The following SYNE1 variants were observed in gnomAD, a reference collection of about 807,000 sequenced individuals.
The protein encoded by SYNE1 is spectrin repeat containing nuclear envelope protein 1, also known as nesprin-1.
In SYNE1, 616 loss-of-function variants were observed where a neutral mutation model predicts 1,111.0. That is an observed-to-expected ratio of 0.55 (90% CI 0.52 to 0.59). The LOEUF is 0.59. Among genes scored for constraint, SYNE1 ranks in the 20% least tolerant of loss-of-function variants. The pLI is 0.00. For synonymous variants in SYNE1, 3,855 were observed against 3,825.8 expected (o/e 1.01, Z -0.28); for missense variants, 10,006 against 10,417.0 (o/e 0.96, Z 1.72).
In SYNE1 at chr6:152,236,388, T is replaced by C. The variant is rs188907375; in HGVS notation, c.20200-85A>G. 197 of 961,116 alleles carry C rather than the reference T, an allele frequency of 2.0e-4. No homozygotes were observed. The African/African-American group carries it at 2.9e-3, about 14-fold the overall frequency. The allele number at this position is 961,116 out of a possible 1,614,324, so 59.5% of individuals were successfully genotyped here. A position where few individuals can be genotyped will look rare whatever the true frequency, so the allele number is the denominator to read the frequency against. ...TATAATTTCTCTGGTACCTACAATG[T>C]TCCCATTACCTGTTATTCAAACTTA... On this transcript the variant is annotated intron_variant, in intron 109 of 145. Coordinates refer to ENST00000367255, the MANE Select transcript of SYNE1 (RefSeq NM_182961.4).
At chr6:152,255,540 T>A (rs2090603168) in intron 103 of SYNE1, 51 bp downstream of exon 103, 2 of 1,596,924 alleles carry the variant, frequency 1.3e-6, no homozygotes, top group Non-Finnish European at 1.7e-6. Flanking sequence ...CATCAAAATG[T>A]CAAGTGCTTT....
Position 152,140,600 on chromosome 6 carries a change from C to T in SYNE1, c.25247-439G>A, listed in dbSNP as rs118058024. ...GTAATCCCAGCTACTCGAGGGGAGG[C>T]GGGAGGATTACTTGAGCCCAGGAGT... On this transcript the variant is annotated intron_variant, in intron 139 of 145. Coordinates refer to ENST00000367255, the MANE Select transcript of SYNE1 (RefSeq NM_182961.4). Among the ~76,000 whole-genome samples the T allele has an allele frequency of 6.7e-3, 1,021 of 151,552 alleles. 5 individuals carry two copies. Among genetic ancestry groups the T allele is most frequent in the Middle Eastern group, 0.041 (12 of 292 alleles).
chr6:152,231,570 A>G lies in SYNE1; in HGVS notation c.20863-3T>C, dbSNP rs999073010. 1.3e-6 allele frequency: 2 copies of G among 1,592,452 alleles called. No homozygotes were observed. Among genetic ancestry groups the G allele is most frequent in the African/African-American group, 2.7e-5 (2 of 74,190 alleles). On this transcript the variant is annotated splice_polypyrimidine_tract_variant and splice_region_variant and intron_variant, in intron 113 of 145. Transcript: ENST00000367255. The stretch of plus-strand genomic sequence containing the variant: ...CAGTTAATGTCTATCTTAAAACCCT[A>G]AAAAAAAAGAGGAGAAAATAAGATT...
chr6:152,230,518 G>A, intron 115 of SYNE1, 29 bp downstream of exon 115: 1 of 1,609,802 alleles, frequency 6.2e-7, no homozygotes, highest in South Asian at 1.1e-5. Flanking sequence ...ATTGTGAGAT[G>A]GTGCATGTTA....
At chr6:152,513,522 T>C (rs1211535360) in intron 6 of SYNE1, among the ~76,000 whole-genome samples, 4 of 152,090 alleles carry the variant, frequency 2.6e-5, no homozygotes, top group Non-Finnish European at 5.9e-5. Context: ...TTAGTAGAGA[T>C]GAAGTTTTGC....
In SYNE1 at chr6:152,398,743, A is replaced by G. The variant is rs575503082; in HGVS notation, c.7238-12T>C. 1 of 1,593,260 alleles carries G rather than the reference A, an allele frequency of 6.3e-7. No individual in the cohort carries two copies. The highest frequency in any genetic ancestry group is 1.1e-5 in the South Asian group (1 of 88,960). On this transcript the variant is annotated splice_polypyrimidine_tract_variant and intron_variant, in intron 48 of 145. Coordinates refer to ENST00000367255, the MANE Select transcript of SYNE1 (RefSeq NM_182961.4). ...TTCCTGCATAGACTCTTTTGAAAGA[A>G]AAAATAAATAAATAAAAATAAAAAA... is the stretch of plus-strand genomic sequence containing the variant.
rs755875029 is a variant in SYNE1 at position 152,419,564 on chromosome 6, T to A, written c.5421+5A>T. ...TCAATCTTAAAAAAAAAAAAACCAC[T>A]TTACCTTATGCCGAGTAAGGGCTAC... On this transcript the variant is annotated splice_donor_5th_base_variant and intron_variant, in intron 40 of 145. Coordinates refer to ENST00000367255, the MANE Select transcript of SYNE1 (RefSeq NM_182961.4). 1.9e-5 allele frequency: 30 copies of A among 1,609,632 alleles called. No individual in the cohort carries two copies. In the South Asian group the frequency reaches 2.7e-4, roughly 14 times the overall value.
chr6:152,202,701 A>T (rs1563463784), intron 126 of SYNE1, among the ~76,000 whole-genome samples: 1 of 152,078 alleles, frequency 6.6e-6, no homozygotes, highest in East Asian at 1.9e-4. Flanking sequence ...TAATCTCAGT[A>T]CCTTGTCTCT....
intron 104 of SYNE1, among the ~76,000 whole-genome samples, chr6:152,253,641 GA>G (rs1447605308): frequency 6.6e-6 from 1 of 152,036 alleles, no homozygotes; most frequent in African/African-American, 2.4e-5. Context: ...ATGTCGCAAA[GA>G]TTAAAGACAA....
intron 107 of SYNE1, among the ~76,000 whole-genome samples, chr6:152,239,973 G>T (rs1007339593): frequency 1.3e-5 from 2 of 152,180 alleles, no homozygotes; most frequent in Non-Finnish European, 2.9e-5. Flanking sequence ...CACAAGAATC[G>T]CTTGAACCTG....
At chr6:152,618,841 T>C (rs2099668298) in intron 3 of SYNE1, among the ~76,000 whole-genome samples, 1 of 152,170 alleles carries the variant, frequency 6.6e-6, no homozygotes. Flanking sequence ...AAGAAACAAA[T>C]AGAAAATTAT....
intron 53 of SYNE1, 138 bp downstream of exon 53, chr6:152,390,142 A>C: frequency 1.1e-6 from 1 of 899,324 alleles, no homozygotes. Flanking sequence ...GGAAAACACA[A>C]CTTAGACAAA....
At chr6:152,285,494 T>C (rs1301212839) in intron 95 of SYNE1, among the ~76,000 whole-genome samples, 1 of 152,168 alleles carries the variant, frequency 6.6e-6, no homozygotes, top group African/African-American at 2.4e-5. Context: ...GTGAAATAAA[T>C]CAAACTTGTT....
chr6:152,590,365 AT>A (rs58227444), intron 3 of SYNE1, among the ~76,000 whole-genome samples: 5,609 of 149,932 alleles, frequency 0.037, 351 homozygotes, highest in African/African-American at 0.13. Flanking sequence ...GAGAAAATCC[AT>A]TTTTTTTTCT....
Position 152,255,511 on chromosome 6 carries a change from T to C in SYNE1, c.19260+80A>G, listed in dbSNP as rs1398834561. 40 of 1,464,960 alleles carry C rather than the reference T, an allele frequency of 2.7e-5. No individual in the cohort carries two copies. In the East Asian group the frequency reaches 6.3e-4, roughly 23 times the overall value. 90.7% of individuals were successfully genotyped at this position (1,464,960 alleles called of 1,614,324 possible). On this transcript the variant is annotated intron_variant, in intron 103 of 145. Coordinates refer to ENST00000367255, the MANE Select transcript of SYNE1 (RefSeq NM_182961.4). Reference sequence around the variant, plus strand: ...ATTGTTTTATGTTTGACTTTCTTTATGCATAAAATTAATTATCCCATCAAA... The same window carrying C: ...ATTGTTTTATGTTTGACTTTCTTTACGCATAAAATTAATTATCCCATCAAA...
chr6:152,593,306 T>C (rs2128542251), intron 3 of SYNE1, among the ~76,000 whole-genome samples: 1 of 152,268 alleles, frequency 6.6e-6, no homozygotes. Flanking sequence ...TAGCTTGGGC[T>C]GGGCACGGTG....
At chr6:152,312,076 G>A (rs766727321) in intron 87 of SYNE1, among the ~76,000 whole-genome samples, 8 of 151,982 alleles carry the variant, frequency 5.3e-5, no homozygotes, top group Admixed American at 4.6e-4. Flanking sequence ...GAGCCACTGC[G>A]CACAGCCGGC....
At chr6:152,289,649 C>T (rs531211259) in intron 95 of SYNE1, among the ~76,000 whole-genome samples, 7 of 152,098 alleles carry the variant, frequency 4.6e-5, no homozygotes, top group African/African-American at 2.4e-5. Context: ...TTTTTTGAGA[C>T]GGAGTCTCGC....
chr6:152,137,139 C>A (rs1368672704), intron 140 of SYNE1, among the ~76,000 whole-genome samples: 2 of 151,970 alleles, frequency 1.3e-5, no homozygotes, highest in Non-Finnish European at 2.9e-5. Context: ...TATATCTGAA[C>A]AAAGAAGGTC....
Sources: gnomAD v4.1 joint callset for allele counts (sites outside exome capture counted in the v4.1 genomes callset) on GRCh38, gnomAD v4.1.1 for gene constraint, MANE v1.5 for transcripts, NCBI Gene and HGNC (gene_info 2026-07-23, HGNC 2026-07-21) for gene names.